The following DIAPH3 variants were observed in gnomAD, a reference collection of about 807,000 sequenced individuals.
DIAPH3 encodes protein diaphanous homolog 3.
DIAPH3 carries 117 observed loss-of-function variants against 144.3 expected under a neutral mutation model. The ratio of observed to expected loss-of-function variants is 0.81; its 90% confidence interval spans 0.70 to 0.95. The LOEUF (loss-of-function observed/expected upper bound fraction) is 0.95, where lower values mean the gene tolerates loss of function less well. Among genes scored for constraint, DIAPH3 ranks in the 40% least tolerant of loss-of-function variants. The pLI, the probability that DIAPH3 is intolerant of heterozygous loss-of-function variation, is 0.00. For missense variants in DIAPH3, 1,421 were observed against 1,412.7 expected (o/e 1.01, Z -0.09); for synonymous variants, 519 against 488.9 (o/e 1.06, Z -0.81).
intron 7 of DIAPH3, chr13:60,013,052 T>G (rs2053387260): frequency 2.1e-5 from 21 of 985,304 alleles, no homozygotes; most frequent in Non-Finnish European, 2.4e-5. Flanking sequence ...AACTTACCAG[T>G]GCTCGGATTA....
chr13:60,112,393 G>A (rs2058593229), intron 2 of DIAPH3, among the ~76,000 whole-genome samples: 2 of 152,194 alleles, frequency 1.3e-5, no homozygotes, highest in Admixed American at 6.5e-5. Flanking sequence ...ATTGAAGAGA[G>A]CTCAGACAAC....
rs1324699825 is a variant in DIAPH3, at chr13:60,093,559, A to G, written c.495+69T>C. The G allele has an allele frequency of 5.8e-6, 6 of 1,041,666 alleles. No homozygotes were observed. In the East Asian group the frequency reaches 1.5e-4, roughly 25 times the overall value. The allele number at this position is 1,041,666 out of a possible 1,614,324, so 64.5% of individuals were successfully genotyped here. A position where few individuals can be genotyped will look rare whatever the true frequency, so the allele number is the denominator to read the frequency against. ...TGCCCACAAACTTAAGTACTTCATT[A>G]GATAAATGTGCTGTTTTCCATGTTA... On this transcript the variant is annotated intron_variant, in intron 4 of 27. Transcript: ENST00000400324.
At chr13:60,123,954 C>A (rs2058916222) in intron 2 of DIAPH3, among the ~76,000 whole-genome samples, 2 of 152,130 alleles carry the variant, frequency 1.3e-5, no homozygotes, top group Non-Finnish European at 2.9e-5. Context: ...AAGTTAGGCA[C>A]AAATTCAGGT....
intron 20 of DIAPH3, among the ~76,000 whole-genome samples, chr13:59,882,383 C>T (rs2045120086): frequency 6.6e-6 from 1 of 152,180 alleles, no homozygotes; most frequent in African/African-American, 2.4e-5. Flanking sequence ...AGCCACTGCG[C>T]CCAGCCCTTT....
At chr13:59,882,423 T>C (rs1455602752) in intron 20 of DIAPH3, among the ~76,000 whole-genome samples, 1 of 152,138 alleles carries the variant, frequency 6.6e-6, no homozygotes, top group Non-Finnish European at 1.5e-5. Context: ...ACTTTATTTC[T>C]TCAGGTGGAA....
intron 1 of DIAPH3, among the ~76,000 whole-genome samples, chr13:60,144,204 C>A (rs899864531): frequency 2.0e-5 from 3 of 152,142 alleles, no homozygotes; most frequent in African/African-American, 7.2e-5. Flanking sequence ...AGCTTGTTTT[C>A]TTTTCCCAAT....
intron 4 of DIAPH3, among the ~76,000 whole-genome samples, chr13:60,057,588 A>C (rs1181044693): frequency 6.6e-6 from 1 of 152,020 alleles, no homozygotes; most frequent in East Asian, 1.9e-4. Flanking sequence ...GAATACCCAA[A>C]GCAATACTGA....
At chr13:60,106,240 G>A (rs1225840) in intron 3 of DIAPH3, among the ~76,000 whole-genome samples, 1 of 151,890 alleles carries the variant, frequency 6.6e-6, no homozygotes. Flanking sequence ...CTAGACAAAC[G>A]AACTGATGGA....
chr13:59,790,870 C>T (rs1316677294), intron 25 of DIAPH3, among the ~76,000 whole-genome samples: 3 of 152,288 alleles, frequency 2.0e-5, no homozygotes, highest in African/African-American at 7.2e-5. Context: ...GACTCCCTCC[C>T]CCCGCTCCAC....
At chr13:59,917,889 C>CAAAA (rs60792156) in intron 18 of DIAPH3, among the ~76,000 whole-genome samples, 12 of 18,626 alleles carry the variant, frequency 6.4e-4, no homozygotes, top group Admixed American at 7.7e-4. Context: ...GACTCTGTCT[C>CAAAA]AAAAAAAAAA....
At chr13:60,127,659 T>C (rs1375926356) in intron 2 of DIAPH3, among the ~76,000 whole-genome samples, 1 of 152,166 alleles carries the variant, frequency 6.6e-6, no homozygotes, top group Admixed American at 6.5e-5. Flanking sequence ...TGTGACTCCA[T>C]TTATATGAAA....
At chr13:59,769,029 A>G (rs556067212) in intron 27 of DIAPH3, among the ~76,000 whole-genome samples, 2 of 152,242 alleles carry the variant, frequency 1.3e-5, no homozygotes, top group South Asian at 4.1e-4. Context: ...CTATCCATTT[A>G]ACTGGAAAAA....
chr13:59,693,255 G>C (rs1404183798), intron 27 of DIAPH3, among the ~76,000 whole-genome samples: 1 of 152,146 alleles, frequency 6.6e-6, no homozygotes, highest in Non-Finnish European at 1.5e-5. Context: ...GGGCCTGTGG[G>C]TGAGGGTGTT....
At chr13:60,013,560 C>A (rs149502349) in intron 7 of DIAPH3, among the ~76,000 whole-genome samples, 3 of 152,234 alleles carry the variant, frequency 2.0e-5, no homozygotes, top group Non-Finnish European at 2.9e-5. Context: ...CTTTCCCCTA[C>A]GCAATTAAAA....
Position 59,866,413 on chromosome 13 carries a change from A to G in DIAPH3, c.2608-4877T>C, listed in dbSNP as rs572542161. Among the ~76,000 whole-genome samples the G allele has an allele frequency of 1.2e-4, 19 of 152,162 alleles. No homozygotes were observed. The East Asian group carries it at 3.1e-3, about 25-fold the overall frequency. ...ACAGCAATCTTTAGTCTAGCTTATT[A>G]TTAACAAAATAAACCAAATTCTCAA... On this transcript the variant is annotated intron_variant, in intron 21 of 27. Coordinates refer to ENST00000400324, the MANE Select transcript of DIAPH3 (RefSeq NM_001042517.2).
chr13:59,777,628 T>C (rs559308631), intron 25 of DIAPH3, among the ~76,000 whole-genome samples: 1 of 152,322 alleles, frequency 6.6e-6, no homozygotes, highest in Non-Finnish European at 1.5e-5. Context: ...TGATATCAAT[T>C]GCCTCCTGAA....
intron 17 of DIAPH3, among the ~76,000 whole-genome samples, chr13:59,967,354 C>T (rs911206839): frequency 6.6e-6 from 1 of 151,904 alleles, no homozygotes; most frequent in Admixed American, 6.6e-5. Flanking sequence ...AGATTACAGG[C>T]GGGAGCCATT....
chr13:59,836,026 TA>T, intron 23 of DIAPH3, among the ~76,000 whole-genome samples: 1 of 151,782 alleles, frequency 6.6e-6, no homozygotes. Flanking sequence ...TTAAAGAATA[TA>T]ACATGGAAAG....
At position 59,989,096 on chromosome 13, in the gene DIAPH3, C is replaced by T. The variant is rs139967108; in HGVS notation, c.1361+2062G>A. Among the ~76,000 whole-genome samples, 85 of 151,616 alleles carry T rather than the reference C, an allele frequency of 5.6e-4. No individual in the cohort carries two copies. In the East Asian group the frequency reaches 0.015, roughly 26 times the overall value. On this transcript the variant is annotated intron_variant, in intron 12 of 27. Transcript: ENST00000400324. ...AAGAAAAAGAAAAATTATGTGTGTT[C>T]GTATCAAAAGTAGTTTAAAGAGCTC...
Sources: allele counts gnomAD v4.1 joint callset (sites outside exome capture counted in the v4.1 genomes callset), GRCh38; gene constraint gnomAD v4.1.1; transcripts MANE v1.5; gene names NCBI Gene and HGNC (gene_info 2026-07-23, HGNC 2026-07-21).